ITPR2: variants seen among roughly 807,000 people sequenced by gnomAD.
ITPR2 encodes the protein inositol 1,4,5-trisphosphate receptor type 2, also known as inositol 1,4,5-trisphosphate-gated calcium channel ITPR2.
A neutral mutation model predicts 317.1 loss-of-function variants in ITPR2; 207 were observed. The observed-to-expected ratio is 0.65, with a 90% CI of 0.58 to 0.73. ITPR2 has a LOEUF of 0.73. Ranked by LOEUF, ITPR2 falls within the 30% of genes least tolerant of loss-of-function variation. The pLI, the probability that ITPR2 is intolerant of heterozygous loss-of-function variation, is 0.00. For missense variants in ITPR2, 2,613 were observed against 3,284.0 expected, an observed-to-expected ratio of 0.80 and a Z score of 4.99; for synonymous variants, 1,156 against 1,149.1, an observed-to-expected ratio of 1.01 and a Z score of -0.12.
At chr12:26,594,244 C>T (rs55974190) in intron 32 of ITPR2, among the ~76,000 whole-genome samples, 18,603 of 152,090 alleles carry the variant, frequency 0.12, 1,581 homozygotes, top group Admixed American at 0.19. Context: ...TCACTCACCA[C>T]ACTACACCAC....
intron 45 of ITPR2, among the ~76,000 whole-genome samples, chr12:26,456,496 TA>T (rs1370913797): frequency 6.6e-6 from 1 of 152,154 alleles, no homozygotes; most frequent in African/African-American, 2.4e-5. Flanking sequence ...GAAATAACCA[TA>T]AAAACAGCCA....
At chr12:26,618,666 C>T (rs551307492) in intron 26 of ITPR2, among the ~76,000 whole-genome samples, 1 of 152,162 alleles carries the variant, frequency 6.6e-6, no homozygotes, top group African/African-American at 2.4e-5. Context: ...AAAAATCTCC[C>T]AAACATGTGC....
At chr12:26,424,739 G>A (rs1261709024) in intron 49 of ITPR2, among the ~76,000 whole-genome samples, 1 of 151,178 alleles carries the variant, frequency 6.6e-6, no homozygotes, top group Admixed American at 6.6e-5. Flanking sequence ...ACAGGCACGA[G>A]CCACCATGAC....
At chr12:26,825,673 A>G (rs1950999206) in intron 1 of ITPR2, among the ~76,000 whole-genome samples, 1 of 152,210 alleles carries the variant, frequency 6.6e-6, no homozygotes, top group Admixed American at 6.5e-5. Flanking sequence ...CTGAGCTCTC[A>G]TTGCCAGAGG....
intron 55 of ITPR2, among the ~76,000 whole-genome samples, chr12:26,364,917 A>T (rs1938958406): frequency 6.6e-6 from 1 of 152,158 alleles, no homozygotes; most frequent in Non-Finnish European, 1.5e-5. Context: ...GACTGTCTGG[A>T]GCACTGTCCT....
intron 21 of ITPR2, among the ~76,000 whole-genome samples, chr12:26,640,203 T>A (rs983651040): frequency 3.9e-5 from 6 of 152,160 alleles, no homozygotes; most frequent in African/African-American, 1.4e-4. Context: ...AACATGACCC[T>A]CTTCAGTCAT....
At chr12:26,468,428 T>C (rs1169104880) in intron 45 of ITPR2, among the ~76,000 whole-genome samples, 2 of 152,188 alleles carry the variant, frequency 1.3e-5, no homozygotes, top group Non-Finnish European at 2.9e-5. Flanking sequence ...TTATAAGCAT[T>C]GTAGGAGTCT....
rs1046895945 is a variant in ITPR2 at position 26,380,290 on chromosome 12, A to G, written c.7857+7144T>C. 3.9e-5 allele frequency among the ~76,000 whole-genome samples: 6 copies of G among 152,218 alleles called. 1 individual carries two copies. Among genetic ancestry groups the G allele is most frequent in the African/African-American group, 1.4e-4 (6 of 41,448 alleles). Reference sequence around the variant, plus strand: ...AATAGAAAGATGTTAACATCTGTGCAAAAATGAGGTAATTCATGGTCTTAC... The same window carrying G: ...AATAGAAAGATGTTAACATCTGTGCGAAAATGAGGTAATTCATGGTCTTAC... On this transcript the variant is annotated intron_variant, in intron 55 of 56. Transcript: ENST00000381340.
intron 45 of ITPR2, among the ~76,000 whole-genome samples, chr12:26,465,616 C>CCTCT (rs113967186): frequency 0.16 from 24,089 of 150,436 alleles, 3,531 homozygotes; most frequent in African/African-American, 0.39. Flanking sequence ...CCTCTGGCGC[C>CCTCT]CTCTCTCTCT....
chr12:26,626,998 C>A (rs998047511), intron 23 of ITPR2, among the ~76,000 whole-genome samples: 3 of 152,042 alleles, frequency 2.0e-5, no homozygotes, highest in African/African-American at 7.2e-5. Flanking sequence ...TTCTAAAGTT[C>A]TTTCAATAGT....
intron 45 of ITPR2, among the ~76,000 whole-genome samples, chr12:26,456,434 C>A (rs1169395645): frequency 6.6e-6 from 1 of 152,190 alleles, no homozygotes; most frequent in Non-Finnish European, 1.5e-5. Flanking sequence ...ATTGCCCAGC[C>A]CTTTTCTAGA....
At chr12:26,541,706 C>A (rs1360484006) in intron 37 of ITPR2, among the ~76,000 whole-genome samples, 1 of 152,110 alleles carries the variant, frequency 6.6e-6, no homozygotes, top group Non-Finnish European at 1.5e-5. Flanking sequence ...TGCAACAATG[C>A]AATTATTGCT....
At chr12:26,670,164 A>G (rs934347961) in intron 13 of ITPR2, among the ~76,000 whole-genome samples, 2 of 152,152 alleles carry the variant, frequency 1.3e-5, no homozygotes, top group African/African-American at 4.8e-5. Flanking sequence ...GCAGACTTAA[A>G]TGTCCCTGTC....
intron 55 of ITPR2, among the ~76,000 whole-genome samples, chr12:26,349,613 A>C (rs865929339): frequency 6.6e-6 from 1 of 152,398 alleles, no homozygotes; most frequent in Middle Eastern, 3.4e-3. Flanking sequence ...ATTATAAAGC[A>C]ATATGACAAA....
chr12:26,567,947 A>G (rs1189577943), intron 34 of ITPR2, among the ~76,000 whole-genome samples: 1 of 32,772 alleles, frequency 3.1e-5, no homozygotes, highest in Non-Finnish European at 7.8e-5. Flanking sequence ...GTATATATAT[A>G]TATTATATAT....
At chr12:26,564,588 C>A (rs1298024203) in intron 34 of ITPR2, among the ~76,000 whole-genome samples, 1 of 152,066 alleles carries the variant, frequency 6.6e-6, no homozygotes. Flanking sequence ...TCATGGTGGG[C>A]CCCAATCCAA....
intron 45 of ITPR2, among the ~76,000 whole-genome samples, chr12:26,468,457 A>G (rs572342528): frequency 6.6e-6 from 1 of 152,066 alleles, no homozygotes; most frequent in East Asian, 1.9e-4. Context: ...TACATAGTGG[A>G]TGTATTATCT....
chr12:26,534,638 C>G (rs567597154), intron 37 of ITPR2, among the ~76,000 whole-genome samples: 3 of 152,184 alleles, frequency 2.0e-5, no homozygotes, highest in Non-Finnish European at 4.4e-5. Context: ...TGGAGCTTCT[C>G]TCTCAAGATT....
intron 54 of ITPR2, among the ~76,000 whole-genome samples, chr12:26,397,018 C>CTCCT (rs1232461740): frequency 6.6e-6 from 1 of 152,058 alleles, no homozygotes; most frequent in Non-Finnish European, 1.5e-5. Flanking sequence ...TGGTAATGAC[C>CTCCT]TCCTACCTGA....
Sources: allele counts gnomAD v4.1 joint callset (sites outside exome capture counted in the v4.1 genomes callset), GRCh38; gene constraint gnomAD v4.1.1; transcripts MANE v1.5; gene names NCBI Gene and HGNC (gene_info 2026-07-23, HGNC 2026-07-21).